Variants in CPSF3 observed in about 807,000 individuals in gnomAD.
CPSF3 encodes cleavage and polyadenylation specificity factor subunit 3.
In CPSF3, 57 loss-of-function variants were observed where a neutral mutation model predicts 84.1. That is an observed-to-expected ratio of 0.68 (90% CI 0.55 to 0.85). The LOEUF (loss-of-function observed/expected upper bound fraction) is 0.85. Ranked by LOEUF, CPSF3 falls within the 40% of genes least tolerant of loss-of-function variation. CPSF3 has a pLI of 0.00. For missense variants in CPSF3, 522 were observed against 838.8 expected (o/e 0.62, Z 4.66); for synonymous variants, 275 against 278.1 (o/e 0.99, Z 0.11).
At chr2:9,432,259 A>G (rs1680616763) in intron 4 of CPSF3, among the ~76,000 whole-genome samples, 1 of 152,140 alleles carries the variant, frequency 6.6e-6, no homozygotes. Context: ...GTATTATTGA[A>G]AATTGAGAGT....
intron 15 of CPSF3, 152 bp from the exon 16 acceptor site, chr2:9,467,555 C>G (rs967950322): frequency 2.1e-6 from 1 of 484,538 alleles, no homozygotes; most frequent in East Asian, 3.3e-5. Flanking sequence ...TTTCCTTTAG[C>G]AGGCAAATAA....
chr2:9,447,668 G>A (rs1012023677), intron 10 of CPSF3, among the ~76,000 whole-genome samples: 14 of 152,232 alleles, frequency 9.2e-5, no homozygotes, highest in Non-Finnish European at 1.8e-4. Context: ...CCAGCTACTC[G>A]GGAGGCTCAG....
chr2:9,427,382 G>A (rs1045008189), intron 1 of CPSF3, among the ~76,000 whole-genome samples: 1 of 152,200 alleles, frequency 6.6e-6, no homozygotes, highest in African/African-American at 2.4e-5. Flanking sequence ...GATGGCCCAT[G>A]CCTCAAGTGA....
At chr2:9,425,686 G>A (rs1383442877) in intron 1 of CPSF3, among the ~76,000 whole-genome samples, 1 of 151,894 alleles carries the variant, frequency 6.6e-6, no homozygotes, top group South Asian at 2.1e-4. Flanking sequence ...ATAAGAGATG[G>A]GGCAACTCTG....
At chr2:9,457,982 C>T (rs1369800475) in intron 14 of CPSF3, among the ~76,000 whole-genome samples, 1 of 152,140 alleles carries the variant, frequency 6.6e-6, no homozygotes, top group Non-Finnish European at 1.5e-5. Context: ...TCTTGAACTC[C>T]TGACCTCAAG....
intron 10 of CPSF3, among the ~76,000 whole-genome samples, chr2:9,445,071 C>G (rs10929582): frequency 0.29 from 43,453 of 152,018 alleles, 7,412 homozygotes; most frequent in Middle Eastern, 0.39. Context: ...TAATTATATT[C>G]ACAGTGTTGT....
intron 7 of CPSF3, among the ~76,000 whole-genome samples, chr2:9,438,883 G>A (rs893027821): frequency 1.3e-5 from 2 of 152,122 alleles, no homozygotes; most frequent in Non-Finnish European, 2.9e-5. Flanking sequence ...AAGAACAGCT[G>A]CTTTCAAATC....
intron 15 of CPSF3, among the ~76,000 whole-genome samples, chr2:9,464,321 T>C (rs912802920): frequency 6.6e-6 from 1 of 152,180 alleles, no homozygotes; most frequent in African/African-American, 2.4e-5. Flanking sequence ...GATGAGTTTG[T>C]CTAAATATTA....
intron 7 of CPSF3, among the ~76,000 whole-genome samples, chr2:9,436,774 A>AAAAAAAAATAAAAAATAAT (rs139337028): frequency 1.4e-5 from 2 of 143,002 alleles, no homozygotes; most frequent in Non-Finnish European, 1.5e-5. Context: ...CCATCTCAAA[A>AAAAAAAAATAAAAAATAAT]AATAATAATA....
chr2:9,462,609 T>G (rs968475249), intron 15 of CPSF3, among the ~76,000 whole-genome samples: 1 of 152,204 alleles, frequency 6.6e-6, no homozygotes, highest in African/African-American at 2.4e-5. Context: ...AGCTCGTGTG[T>G]GTTTTATACG....
Position 9,436,774 on chromosome 2 carries a change from A to AAATAATAATAATAATAAT in CPSF3, c.760+418_760+435dup, listed in dbSNP as rs70948816. On this transcript the variant is annotated intron_variant, in intron 7 of 17. Transcript: ENST00000238112. ...CGACAGAGCGAGACTCCATCTCAAA[A>AAATAATAATAATAATAAT]AATAATAATAATAATAATAATAGGG... Among the ~76,000 whole-genome samples the AAATAATAATAATAATAAT allele has an allele frequency of 3.2e-3, 460 of 143,010 alleles. 3 individuals are homozygous for AAATAATAATAATAATAAT. The highest frequency in any genetic ancestry group is 0.011 in the Middle Eastern group (3 of 272). The allele number at this position is 143,010 out of a possible 152,430, so 93.8% of individuals were successfully genotyped here. A position where few individuals can be genotyped will look rare whatever the true frequency, so the allele number is the denominator to read the frequency against.
chr2:9,466,519 C>A (rs1558466966), intron 15 of CPSF3, among the ~76,000 whole-genome samples: 1 of 152,180 alleles, frequency 6.6e-6, no homozygotes, highest in East Asian at 1.9e-4. Flanking sequence ...ATCACCAGAG[C>A]ACAGAGGTGA....
intron 15 of CPSF3, among the ~76,000 whole-genome samples, chr2:9,464,282 A>C (rs981578843): frequency 2.0e-5 from 3 of 152,120 alleles, no homozygotes; most frequent in Non-Finnish European, 2.9e-5. Context: ...CTGATTGTAT[A>C]GTTCTGTGTT....
At chr2:9,447,454 G>A (rs1433221178) in intron 10 of CPSF3, among the ~76,000 whole-genome samples, 9 of 150,976 alleles carry the variant, frequency 6.0e-5, no homozygotes, top group Admixed American at 1.3e-4. Flanking sequence ...ACTCCAGCCT[G>A]CGCAACAGAG....
chr2:9,436,426 TG>T, intron 7 of CPSF3, 65 bp downstream of exon 7: 2 of 1,478,498 alleles, frequency 1.4e-6, no homozygotes, highest in Non-Finnish European at 1.8e-6. Context: ...GATAATAATG[TG>T]GTCTTGGATG....
rs1682023046 is a variant in CPSF3, at chr2:9,467,705, A to G, written c.1787-2A>G. The G allele has an allele frequency of 1.3e-6, 2 of 1,593,404 alleles. No homozygotes were observed. The highest frequency in any genetic ancestry group is 1.7e-6 in the Non-Finnish European group (2 of 1,169,130). On this transcript the variant is annotated splice_acceptor_variant, in intron 15 of 17. Coordinates refer to ENST00000238112, the MANE Select transcript of CPSF3 (RefSeq NM_016207.4). LOFTEE classifies it high-confidence loss of function. ...ACTCTCTGTCGCTTTTTTTTTTCCCAGGTGCAGTACAGAAGGTTTCTAAAA... is the reference window on the plus strand; with the variant it reads ...ACTCTCTGTCGCTTTTTTTTTTCCCGGGTGCAGTACAGAAGGTTTCTAAAA...
At chr2:9,453,658 C>T (rs781603316) in intron 12 of CPSF3, among the ~76,000 whole-genome samples, 45 of 152,110 alleles carry the variant, frequency 3.0e-4, no homozygotes, top group Middle Eastern at 3.4e-3. Flanking sequence ...TTTGAGAAGC[C>T]GAGGCAGGTG....
intron 15 of CPSF3, among the ~76,000 whole-genome samples, chr2:9,466,826 A>G (rs1161326813): frequency 6.6e-6 from 1 of 152,220 alleles, no homozygotes; most frequent in Non-Finnish European, 1.5e-5. Flanking sequence ...GTGTTGTCAC[A>G]TAAATTGGTA....
chr2:9,472,486 T>C (rs1018909563), intron 17 of CPSF3, among the ~76,000 whole-genome samples: 4 of 152,142 alleles, frequency 2.6e-5, no homozygotes, highest in Non-Finnish European at 4.4e-5. Context: ...TGGGCTTTGA[T>C]GTAAATGTAG....
Sources: gnomAD v4.1 joint callset for allele counts (sites outside exome capture counted in the v4.1 genomes callset) on GRCh38, gnomAD v4.1.1 for gene constraint, MANE v1.5 for transcripts, NCBI Gene and HGNC (gene_info 2026-07-23, HGNC 2026-07-21) for gene names.